The following KLRG1 variants were observed in gnomAD, a reference collection of about 807,000 sequenced individuals.
The protein encoded by KLRG1 is killer cell lectin-like receptor subfamily G member 1.
In KLRG1, 16 loss-of-function variants were observed where a neutral mutation model predicts 21.8. That is an observed-to-expected ratio of 0.73 (90% CI 0.50 to 1.11). KLRG1 has a LOEUF of 1.11. KLRG1 is among the 50% of genes most tolerant of loss of function. The pLI is 0.00. For missense variants in KLRG1, 173 were observed against 218.3 expected (o/e 0.79, Z 1.31); for synonymous variants, 69 against 75.9 (o/e 0.91, Z 0.47).
At chr12:9,000,792 T>C (rs181160141) in intron 3 of KLRG1, among the ~76,000 whole-genome samples, 1 of 152,358 alleles carries the variant, frequency 6.6e-6, no homozygotes, top group East Asian at 1.9e-4. Context: ...CTTCAACCTT[T>C]TGACTGTTGA....
Position 8,959,229 on chromosome 12 carries a change from C to G in KLRG1, c.-156+8993C>G, listed in dbSNP as rs144221448. On this transcript the variant is annotated intron_variant, in intron 1 of 4. Coordinates refer to the KLRG1 transcript ENST00000539240. Reference sequence around the variant, plus strand: ...TAGCTTGTTTTTGTTATATAAGTTGCTTACTGCCCCAGAGTCTTGTATCTG... The same window carrying G: ...TAGCTTGTTTTTGTTATATAAGTTGGTTACTGCCCCAGAGTCTTGTATCTG... 3.4e-4 allele frequency among the ~76,000 whole-genome samples: 52 copies of G among 152,272 alleles called. No homozygotes were observed. The East Asian group carries it at 9.7e-3, about 28-fold the overall frequency.
At chr12:9,115,867 C>G in the KLRG1 span, 1 of 1,602,268 alleles carries the variant, frequency 6.2e-7, no homozygotes, top group African/African-American at 1.3e-5. Context: ...AAAGAAGGAG[C>G]TGGAGGAGAA....
chr12:9,094,772 C>T, the KLRG1 span, among the ~76,000 whole-genome samples: 1 of 152,150 alleles, frequency 6.6e-6, no homozygotes. Flanking sequence ...TGGAAACTTT[C>T]TCTTTCCTTT....
chr12:8,981,153 G>A (rs1261255883), intron 1 of KLRG1, among the ~76,000 whole-genome samples: 4 of 152,114 alleles, frequency 2.6e-5, no homozygotes, highest in African/African-American at 9.7e-5. Context: ...CTGCTCTCTT[G>A]CTGTGTTAGT....
chr12:9,005,302 T>G (rs141462731), intron 3 of KLRG1, among the ~76,000 whole-genome samples: 1 of 152,210 alleles, frequency 6.6e-6, no homozygotes, highest in East Asian at 1.9e-4. Context: ...TGTATACCTA[T>G]GTAACAAAAC....
At chr12:9,070,452 A>G in the KLRG1 span, 1 of 1,418,998 alleles carries the variant, frequency 7.0e-7, no homozygotes, top group Admixed American at 1.7e-5. Flanking sequence ...ACATCATTAA[A>G]TAAAATAGGG....
chr12:9,123,770 T>C, the KLRG1 span, among the ~76,000 whole-genome samples: 10 of 152,106 alleles, frequency 6.6e-5, no homozygotes, highest in Non-Finnish European at 1.3e-4. Context: ...TGTGAAGCAA[T>C]TAGAGTATTT....
At chr12:9,110,741 T>C in the KLRG1 span, among the ~76,000 whole-genome samples, 1 of 152,052 alleles carries the variant, frequency 6.6e-6, no homozygotes, top group East Asian at 1.9e-4. Context: ...AAATCTAAAT[T>C]AGTTTCATAT....
At chr12:9,067,555 C>T in the KLRG1 span, 1 of 521,478 alleles carries the variant, frequency 1.9e-6, no homozygotes, top group South Asian at 2.0e-5. Flanking sequence ...ACAGTCCTTA[C>T]ATGAAGCCTA....
chr12:9,070,850 C>T, the KLRG1 span, among the ~76,000 whole-genome samples: 3 of 146,298 alleles, frequency 2.1e-5, no homozygotes, highest in South Asian at 4.3e-4. Flanking sequence ...TGGAGTTTTT[C>T]ACTCTTCTTG....
the KLRG1 span, among the ~76,000 whole-genome samples, chr12:9,149,172 C>T: frequency 6.6e-6 from 1 of 152,146 alleles, no homozygotes; most frequent in Non-Finnish European, 1.5e-5. Context: ...ACAAAGGCAG[C>T]CATAGCCAAT....
chr12:9,145,574 G>C, the KLRG1 span, among the ~76,000 whole-genome samples: 1 of 152,154 alleles, frequency 6.6e-6, no homozygotes. Flanking sequence ...AAGTAAAAGT[G>C]ACTTACTAGC....
At chr12:9,168,263 A>G in the KLRG1 span, among the ~76,000 whole-genome samples, 1 of 152,226 alleles carries the variant, frequency 6.6e-6, no homozygotes, top group African/African-American at 2.4e-5. Context: ...CTGATTTCCA[A>G]TCCGAGCATA....
At chr12:9,159,500 G>C in the KLRG1 span, among the ~76,000 whole-genome samples, 1 of 151,966 alleles carries the variant, frequency 6.6e-6, no homozygotes, top group Non-Finnish European at 1.5e-5. Context: ...GCCTTTAAGA[G>C]GTGATTGGCT....
the KLRG1 span, among the ~76,000 whole-genome samples, chr12:9,213,374 GTGTTTAAC>G: frequency 6.6e-6 from 1 of 152,170 alleles, no homozygotes; most frequent in African/African-American, 2.4e-5. Flanking sequence ...TGGTAGCTCA[GTGTTTAAC>G]TTTTTGCAGA....
the KLRG1 span, among the ~76,000 whole-genome samples, chr12:9,195,091 A>C: frequency 6.6e-6 from 1 of 152,182 alleles, no homozygotes; most frequent in Non-Finnish European, 1.5e-5. Context: ...GAAGAGAATA[A>C]TTTGAATTTT....
the KLRG1 span, among the ~76,000 whole-genome samples, chr12:9,091,774 G>C: frequency 6.6e-6 from 1 of 152,318 alleles, no homozygotes; most frequent in Non-Finnish European, 1.5e-5. Context: ...TAGTGGGCCT[G>C]ACTGAATCTG....
chr12:9,010,134 T>A lies in KLRG1; in HGVS notation c.*597T>A. Reference sequence around the variant, plus strand: ...CCAGGAGTTTGAGGCTGCAGTGAGCTATGATTGTGCCACTGTACTCCAGCC... The same window carrying A: ...CCAGGAGTTTGAGGCTGCAGTGAGCAATGATTGTGCCACTGTACTCCAGCC... On this transcript the variant is annotated 3_prime_UTR_variant, in exon 5 of 5. Transcript: ENST00000356986. 1 of 794,390 alleles carries A rather than the reference T, an allele frequency of 1.3e-6. No individual in the cohort carries two copies. Among genetic ancestry groups the A allele is most frequent in the South Asian group, 1.6e-5 (1 of 63,114 alleles). The allele number at this position is 794,390 out of a possible 1,614,324, so 49.2% of individuals were successfully genotyped here.
chr12:8,976,363 A>G (rs1280872348), intron 1 of KLRG1, among the ~76,000 whole-genome samples: 2 of 152,174 alleles, frequency 1.3e-5, no homozygotes, highest in Non-Finnish European at 2.9e-5. Context: ...GTTTGTTACA[A>G]CTTGTTTTGT....
Sources: allele counts gnomAD v4.1 joint callset (sites outside exome capture counted in the v4.1 genomes callset), GRCh38; gene constraint gnomAD v4.1.1; transcripts MANE v1.5; gene names NCBI Gene and HGNC (gene_info 2026-07-23, HGNC 2026-07-21).